The following HACL1 variants were observed in gnomAD, a reference collection of about 807,000 sequenced individuals.
HACL1 encodes 2-hydroxyacyl-CoA lyase 1.
A neutral mutation model predicts 74.2 loss-of-function variants in HACL1; 64 were observed. The ratio of observed to expected loss-of-function variants is 0.86; its 90% CI spans 0.70 to 1.06. HACL1 has a LOEUF of 1.06. Ranked by LOEUF, HACL1 falls within the 50% of genes least tolerant of loss-of-function variation. The pLI is 0.00. For missense variants in HACL1, 728 were observed against 719.7 expected, an observed-to-expected ratio of 1.01 and a Z score of -0.13; for synonymous variants, 230 against 238.8, an observed-to-expected ratio of 0.96 and a Z score of 0.34.
chr3:15,587,934 C>T (rs1194360605), intron 5 of HACL1, among the ~76,000 whole-genome samples: 3 of 152,184 alleles, frequency 2.0e-5, no homozygotes, highest in Non-Finnish European at 4.4e-5. Context: ...ACTCTTGTCA[C>T]CCAGACTGGA....
chr3:15,590,641 C>T (rs1347292930), intron 4 of HACL1, among the ~76,000 whole-genome samples: 1 of 152,148 alleles, frequency 6.6e-6, no homozygotes, highest in Non-Finnish European at 1.5e-5. Context: ...AAATATCTTC[C>T]TACCTATGCA....
intron 9 of HACL1, among the ~76,000 whole-genome samples, chr3:15,577,037 G>T (rs1219888683): frequency 1.3e-5 from 2 of 151,900 alleles, no homozygotes; most frequent in East Asian, 3.9e-4. Context: ...TTAAAATCTG[G>T]CTAGACTGAA....
intron 3 of HACL1, among the ~76,000 whole-genome samples, chr3:15,592,487 TGTA>T (rs1281737367): frequency 8.0e-5 from 10 of 125,130 alleles, no homozygotes; most frequent in African/African-American, 3.1e-4. Context: ...TACATACACT[TGTA>T]TACATATACA....
chr3:15,593,958 C>G (rs545621244), intron 3 of HACL1, among the ~76,000 whole-genome samples: 225 of 152,014 alleles, frequency 1.5e-3, no homozygotes, highest in African/African-American at 5.2e-3. Flanking sequence ...CCACCACACC[C>G]GGCTAATTTT....
intron 3 of HACL1, among the ~76,000 whole-genome samples, chr3:15,595,059 A>G (rs2064031386): frequency 1.3e-5 from 2 of 152,154 alleles, no homozygotes; most frequent in Admixed American, 6.5e-5. Context: ...CCCAGGAGGC[A>G]GAGGTTCCAC....
chr3:15,568,152 G>T, intron 13 of HACL1, 150 bp from the exon 14 acceptor site: 1 of 759,686 alleles, frequency 1.3e-6, no homozygotes, highest in Non-Finnish European at 2.1e-6. Context: ...TCTTTAGACT[G>T]CTAGGAACTA....
rs749860820 is a variant in HACL1 at position 15,568,454 on chromosome 3, G to A, written c.1228C>T (p.Gln410Ter). ...TACCTGTGACGAGGAAGGTAGTTCTGAAGCACAGTCCGTCCAATGTCCATA... is the reference window on the plus strand; with the variant it reads ...TACCTGTGACGAGGAAGGTAGTTCTAAAGCACAGTCCGTCCAATGTCCATA... ...NTMDIGRTVL[Q>*]NYLPRHRLDA... Residue 410 changes from glutamine (Q) to a stop codon, truncating the protein, a stop_gained, in exon 13 of 17, where the codon CAG (glutamine) becomes TAG (stop). Transcript: ENST00000321169. LOFTEE classifies it high-confidence loss of function. The A allele has an allele frequency of 6.3e-6, 10 of 1,598,056 alleles. No individual in the cohort carries two copies. The South Asian group carries it at 1.0e-4, about 16-fold the overall frequency.
chr3:15,568,946 C>T (rs779246266), intron 12 of HACL1, among the ~76,000 whole-genome samples: 10 of 152,202 alleles, frequency 6.6e-5, no homozygotes, highest in Non-Finnish European at 1.0e-4. Context: ...CTTAGGAAAA[C>T]GGTGCCTTAG....
chr3:15,580,413 G>C (rs1347022117), intron 8 of HACL1, among the ~76,000 whole-genome samples: 1 of 152,162 alleles, frequency 6.6e-6, no homozygotes, highest in African/African-American at 2.4e-5. Flanking sequence ...ATTACTTGTA[G>C]ATCTTCTCAA....
chr3:15,564,861 G>A (rs1233579030), intron 14 of HACL1, among the ~76,000 whole-genome samples: 1 of 152,146 alleles, frequency 6.6e-6, no homozygotes, highest in African/African-American at 2.4e-5. Flanking sequence ...CAGAAAGAAT[G>A]CAAGATTAAG....
intron 3 of HACL1, among the ~76,000 whole-genome samples, chr3:15,591,900 C>A (rs1198611075): frequency 1.3e-5 from 2 of 149,684 alleles, no homozygotes; most frequent in African/African-American, 4.9e-5. Context: ...ATAGTGTATA[C>A]ACTATATATG....
At chr3:15,591,891 T>C (rs1477453184) in intron 3 of HACL1, among the ~76,000 whole-genome samples, 1 of 147,888 alleles carries the variant, frequency 6.8e-6, no homozygotes, top group Non-Finnish European at 1.5e-5. Flanking sequence ...TATACGTATA[T>C]AGTGTATACA....
chr3:15,598,821 A>G (rs2064122799), intron 2 of HACL1, among the ~76,000 whole-genome samples: 1 of 152,198 alleles, frequency 6.6e-6, no homozygotes, highest in African/African-American at 2.4e-5. Flanking sequence ...TCCTTTGACT[A>G]CCATAGAGTC....
intron 12 of HACL1, among the ~76,000 whole-genome samples, chr3:15,568,813 A>G (rs2063477312): frequency 6.6e-6 from 1 of 152,226 alleles, no homozygotes; most frequent in African/African-American, 2.4e-5. Flanking sequence ...TAAGCTCGGG[A>G]ATATCCCGCC....
chr3:15,601,145 G>C lies in HACL1; in HGVS notation c.131C>G (p.Ala44Gly). The C allele has an allele frequency of 6.2e-7, 1 of 1,614,000 alleles. No individual in the cohort carries two copies. The highest frequency in any genetic ancestry group is 8.5e-7 in the Non-Finnish European group (1 of 1,179,872). The change falls in exon 2 of 17, where the codon GCC becomes GGC. Residue 44 changes from alanine (A) to glycine (G), a missense_variant. Physicochemically the swap from Ala to Gly is moderately conservative, Grantham distance 60. Transcript: ENST00000321169. ...GIVGIPVTEI[A>G]IAAQQLGIKY... is the part of the protein sequence containing the mutation. Reference sequence around the variant, plus strand: ...GATGCCTAGCTGCTGGGCAGCAATGGCGATTTCGGTCACTGGGATGCCTAC... The same window carrying C: ...GATGCCTAGCTGCTGGGCAGCAATGCCGATTTCGGTCACTGGGATGCCTAC...
intron 11 of HACL1, 95 bp downstream of exon 11, chr3:15,573,064 T>C (rs1443592965): frequency 1.3e-5 from 10 of 746,038 alleles, no homozygotes; most frequent in East Asian, 1.0e-4. Context: ...ATATGAATAG[T>C]AGACCCGTTA....
At chr3:15,570,485 T>C (rs2063507664) in intron 12 of HACL1, among the ~76,000 whole-genome samples, 3 of 151,866 alleles carry the variant, frequency 2.0e-5, no homozygotes, top group East Asian at 3.9e-4. Context: ...TATATTTGCT[T>C]ATGCGTGATT....
At chr3:15,583,183 G>C (rs2063741331) in intron 7 of HACL1, among the ~76,000 whole-genome samples, 194 bp from the exon 8 acceptor site, 1 of 152,012 alleles carries the variant, frequency 6.6e-6, no homozygotes. Context: ...TATTTTTCAT[G>C]AACTATTTTA....
rs749098541 is a variant in HACL1, at chr3:15,571,654, A to G, written c.1095+14T>C. 1 of 1,050,642 alleles carries G rather than the reference A, an allele frequency of 9.5e-7. No homozygotes were observed. The highest frequency in any genetic ancestry group is 1.7e-5 in the Admixed American group (1 of 59,030). 65.1% of individuals were successfully genotyped at this position (1,050,642 alleles called of 1,614,324 possible). On this transcript the variant is annotated intron_variant, in intron 12 of 16. Coordinates refer to ENST00000321169, the MANE Select transcript of HACL1 (RefSeq NM_012260.4). The stretch of plus-strand genomic sequence containing the variant: ...GCCTGACCTGTTATTGAGCGTCAGT[A>G]GGTCCGATTTTACCTTGGATGCAGC...
Sources: allele counts gnomAD v4.1 joint callset (sites outside exome capture counted in the v4.1 genomes callset), GRCh38; gene constraint gnomAD v4.1.1; transcripts MANE v1.5; gene names NCBI Gene and HGNC (gene_info 2026-07-23, HGNC 2026-07-21).